SNX31: variants seen among roughly 807,000 people sequenced by gnomAD.
The protein encoded by SNX31 is sorting nexin 31.
A neutral mutation model predicts 65.4 loss-of-function variants in SNX31; 58 were observed. The observed-to-expected ratio is 0.89, with a 90% confidence interval of 0.72 to 1.10. The LOEUF (loss-of-function observed/expected upper bound fraction) is 1.10, where lower values mean the gene tolerates loss of function less well. Among genes scored for constraint, SNX31 ranks in the 50% least tolerant of loss-of-function variants. The pLI is 0.00. For synonymous variants in SNX31, 181 were observed against 190.1 expected, an observed-to-expected ratio of 0.95 and a Z score of 0.39; for missense variants, 523 against 529.7, an observed-to-expected ratio of 0.99 and a Z score of 0.12.
rs1190971050 is a variant in SNX31, at chr8:100,596,716, T to C, written c.901A>G (p.Ile301Val). Residue 301 changes from isoleucine to valine, a missense_variant, in exon 10 of 14, where the codon ATC becomes GTC. Coordinates refer to ENST00000311812, the MANE Select transcript of SNX31 (RefSeq NM_152628.4). ...TGGGTCTGGCTGTCAGGCAGGGTGA[T>C]GCAGCAGCTGATCTCATTATTGCCA... ...SVGNNEISCCITLPDSQTQDI... is the reference protein window; with the variant it reads ...SVGNNEISCCVTLPDSQTQDI... The C allele has an allele frequency of 1.2e-6, 2 of 1,614,032 alleles. No individual in the cohort carries two copies. Among genetic ancestry groups the C allele is most frequent in the South Asian group, 1.1e-5 (1 of 91,082 alleles).
In SNX31 at chr8:100,609,324, T is replaced by C. The variant is rs938653781; in HGVS notation, c.612-761A>G. On this transcript the variant is annotated intron_variant, in intron 7 of 13. Transcript: ENST00000311812. The surrounding 1 kb of genome is among the most constrained non-coding windows in gnomAD (Gnocchi z 4.9). Reference sequence around the variant, plus strand: ...TCCTCTGGTCCCTACTCCCCAAGGCTGTATTAGCCGCCTGTCCACTGTGCT... The same window carrying C: ...TCCTCTGGTCCCTACTCCCCAAGGCCGTATTAGCCGCCTGTCCACTGTGCT... 5.9e-5 allele frequency among the ~76,000 whole-genome samples: 9 copies of C among 152,300 alleles called. No homozygotes were observed. Among genetic ancestry groups the C allele is most frequent in the Middle Eastern group, 3.4e-3 (1 of 294 alleles).
At chr8:100,632,559 C>T (rs1277754258) in intron 3 of SNX31, among the ~76,000 whole-genome samples, 1 of 152,076 alleles carries the variant, frequency 6.6e-6, no homozygotes, top group Non-Finnish European at 1.5e-5. Context: ...AAAAAGTCAA[C>T]ATACAGGAGA....
In SNX31 at chr8:100,575,790, A is replaced by T. The variant is rs1793098757; in HGVS notation, c.1227+1229T>A. Among the ~76,000 whole-genome samples, 1 of 152,180 alleles carries T rather than the reference A, an allele frequency of 6.6e-6. No individual in the cohort carries two copies. The highest frequency in any genetic ancestry group is 2.1e-4 in the South Asian group (1 of 4,828). ...CCAATTCTGGTTGTATAATAGGACC[A>T]CTTGGGGAGCTTTTAAAAATTCCAT... On this transcript the variant is annotated intron_variant, in intron 13 of 13. Coordinates refer to ENST00000311812, the MANE Select transcript of SNX31 (RefSeq NM_152628.4). The surrounding 1 kb of genome is among the most constrained non-coding windows in gnomAD (Gnocchi z 5.1).
intron 1 of SNX31, among the ~76,000 whole-genome samples, chr8:100,659,673 A>T (rs1809745108): frequency 6.6e-6 from 1 of 152,184 alleles, no homozygotes; most frequent in Admixed American, 6.6e-5. Flanking sequence ...AACACAGATA[A>T]ACCAAAAGAA....
intron 8 of SNX31, among the ~76,000 whole-genome samples, chr8:100,601,579 G>T (rs1370664459): frequency 1.4e-4 from 22 of 152,042 alleles, no homozygotes; most frequent in Non-Finnish European, 5.9e-5. Flanking sequence ...TTTCATTTTT[G>T]AACTCTTCCA....
chr8:100,621,582 C>G (rs1563560278), intron 4 of SNX31, among the ~76,000 whole-genome samples: 1 of 152,226 alleles, frequency 6.6e-6, no homozygotes, highest in Non-Finnish European at 1.5e-5. Flanking sequence ...AGCTAACATC[C>G]CCTCTGCCCT....
chr8:100,597,066 A>G (rs940537313), intron 9 of SNX31, among the ~76,000 whole-genome samples: 1 of 152,138 alleles, frequency 6.6e-6, no homozygotes, highest in African/African-American at 2.4e-5. Context: ...CAGGGAAGGG[A>G]CCATTCCTGC....
intron 10 of SNX31, 73 bp downstream of exon 10, chr8:100,596,566 T>C (rs1815109681): frequency 1.6e-6 from 2 of 1,268,202 alleles, no homozygotes; most frequent in African/African-American, 2.9e-5. Flanking sequence ...CCTGTCTCCC[T>C]AGTGTCAACT....
chr8:100,653,863 T>C (rs188564787), upstream of SNX31, among the ~76,000 whole-genome samples: 469 of 152,342 alleles, frequency 3.1e-3, no homozygotes, highest in African/African-American at 0.011. Context: ...GACAGTGTCC[T>C]GCAATCTGAG....
intron 2 of SNX31, among the ~76,000 whole-genome samples, chr8:100,647,559 C>G (rs1183198214): frequency 6.6e-6 from 1 of 152,162 alleles, no homozygotes; most frequent in Non-Finnish European, 1.5e-5. Context: ...CAAATGTTTG[C>G]TGAGCATATA....
intron 3 of SNX31, among the ~76,000 whole-genome samples, chr8:100,634,146 G>A (rs748210148): frequency 1.3e-5 from 2 of 151,846 alleles, no homozygotes; most frequent in Non-Finnish European, 2.9e-5. Flanking sequence ...CCTCTTTTCC[G>A]TGACAGCCTA....
At chr8:100,651,234 A>G (rs1257355313), upstream of SNX31, among the ~76,000 whole-genome samples, 1 of 152,212 alleles carries the variant, frequency 6.6e-6, no homozygotes, top group African/African-American at 2.4e-5. Flanking sequence ...GATGGGCCTT[A>G]GGGTATTTCC....
intron 12 of SNX31, 31 bp from the exon 13 acceptor site, chr8:100,577,106 C>A: frequency 1.9e-6 from 3 of 1,594,444 alleles, no homozygotes; most frequent in Non-Finnish European, 2.6e-6. Flanking sequence ...TCAGTCAGCT[C>A]AGCCCAGAGA....
intron 13 of SNX31, among the ~76,000 whole-genome samples, chr8:100,574,167 C>T (rs1275750428): frequency 2.6e-5 from 4 of 152,104 alleles, no homozygotes; most frequent in African/African-American, 7.2e-5. Context: ...AGAAGAGCAC[C>T]GCCTACTGGT....
Position 100,622,611 on chromosome 8 carries a change from A to T in SNX31, c.322-4881T>A, listed in dbSNP as rs1817774177. On this transcript the variant is annotated intron_variant, in intron 4 of 13. Coordinates refer to ENST00000311812, the MANE Select transcript of SNX31 (RefSeq NM_152628.4). The surrounding 1 kb of genome is among the most constrained non-coding windows in gnomAD (Gnocchi z 5.0). Reference sequence around the variant, plus strand: ...GGTTGCAGTGAACTGAGATTGCACCACTGCACTCCAGCCTGGGTGACAGAG... The same window carrying T: ...GGTTGCAGTGAACTGAGATTGCACCTCTGCACTCCAGCCTGGGTGACAGAG... 1.3e-5 allele frequency among the ~76,000 whole-genome samples: 2 copies of T among 152,234 alleles called. No individual in the cohort carries two copies. Among genetic ancestry groups the T allele is most frequent in the South Asian group, 4.2e-4 (2 of 4,812 alleles).
chr8:100,600,401 T>G lies in SNX31; in HGVS notation c.722A>C (p.Gln241Pro), dbSNP rs902753067. ...DIEKGWAKPTQAQRQKLEAFQ... is the reference protein window; with the variant it reads ...DIEKGWAKPTPAQRQKLEAFQ... ...AGCTTCTAATTTCTGCCTCTGTGCC[T>G]GTGTGGGTTTGGCCCATCCTTTTTC... The change falls in exon 9 of 14, where the codon CAG (glutamine) becomes CCG (proline). Residue 241 changes from glutamine to proline, a missense_variant. By Grantham distance (76) the Gln-to-Pro change is moderately conservative. Coordinates refer to ENST00000311812, the MANE Select transcript of SNX31 (RefSeq NM_152628.4). 2.5e-6 allele frequency: 4 copies of G among 1,613,702 alleles called. No individual in the cohort carries two copies. In the African/African-American group the frequency reaches 5.3e-5, roughly 22 times the overall value.
intron 8 of SNX31, 95 bp downstream of exon 8, chr8:100,608,399 G>T: frequency 1.8e-6 from 2 of 1,101,104 alleles, no homozygotes; most frequent in Non-Finnish European, 2.7e-6. Flanking sequence ...TAGGTGTGGA[G>T]GTAGAATTAC....
chr8:100,608,868 C>T (rs1282946667), intron 7 of SNX31, among the ~76,000 whole-genome samples: 5 of 152,186 alleles, frequency 3.3e-5, no homozygotes, highest in Admixed American at 2.0e-4. Flanking sequence ...GATGCGGATT[C>T]CCTTTCTCCA....
chr8:100,577,776 TGCCTGACGGGA>T (rs1265147743), intron 12 of SNX31, among the ~76,000 whole-genome samples: 1 of 152,108 alleles, frequency 6.6e-6, no homozygotes, highest in Non-Finnish European at 1.5e-5. Flanking sequence ...GAGGAGAGAT[TGCCTGACGGGA>T]GCTGTATCCC....
Sources: gnomAD v4.1 joint callset for allele counts (sites outside exome capture counted in the v4.1 genomes callset) on GRCh38, gnomAD v4.1.1 for gene constraint, Gnocchi (gnomAD v3.1) non-coding constraint, MANE v1.5 for transcripts, NCBI Gene and HGNC (gene_info 2026-07-23, HGNC 2026-07-21) for gene names.